Variants in LINGO2 observed in about 807,000 individuals in gnomAD.
LINGO2 encodes leucine-rich repeat and immunoglobulin-like domain-containing nogo receptor-interacting protein 2.
Under a neutral mutation model 30.6 loss-of-function variants are expected in LINGO2, and 14 were observed. The ratio of observed to expected loss-of-function variants is 0.46; its 90% CI spans 0.30 to 0.72. The LOEUF is 0.72. Ranked by LOEUF, LINGO2 falls within the 30% of genes least tolerant of loss-of-function variation. The probability of loss-of-function intolerance (pLI) is 0.07; values close to 1 mark genes in which losing one functional copy is unlikely to be tolerated. For synonymous variants in LINGO2, 317 were observed against 288.5 expected, an observed-to-expected ratio of 1.10 and a Z score of -1.00; for missense variants, 729 against 751.7, an observed-to-expected ratio of 0.97 and a Z score of 0.35.
the LINGO2 span, among the ~76,000 whole-genome samples, chr9:29,113,962 G>T: frequency 6.9e-6 from 1 of 145,306 alleles, no homozygotes; most frequent in Non-Finnish European, 1.5e-5. Context: ...AAAGCTTTAG[G>T]AAAAAAAAAA....
At chr9:28,987,346 T>C in the LINGO2 span, among the ~76,000 whole-genome samples, 1 of 152,064 alleles carries the variant, frequency 6.6e-6, no homozygotes, top group African/African-American at 2.4e-5. Context: ...TTATTCATAG[T>C]AGTCTCTTAA....
At chr9:28,413,387 C>A (rs750921162) in intron 2 of LINGO2, among the ~76,000 whole-genome samples, 13 of 152,176 alleles carry the variant, frequency 8.5e-5, no homozygotes, top group Non-Finnish European at 1.8e-4. Flanking sequence ...TGTATGCTAC[C>A]TGTTCCTCCT....
At chr9:28,352,029 C>T (rs1344610160) in intron 3 of LINGO2, among the ~76,000 whole-genome samples, 58 of 150,944 alleles carry the variant, frequency 3.8e-4, no homozygotes, top group Non-Finnish European at 5.2e-4. Flanking sequence ...CTATGACAAA[C>T]CCACAGCCAA....
chr9:28,117,860 T>C (rs1480210847), intron 4 of LINGO2, among the ~76,000 whole-genome samples: 1 of 152,054 alleles, frequency 6.6e-6, no homozygotes, highest in Non-Finnish European at 1.5e-5. Context: ...AATGCAGATA[T>C]CACCCCCAGA....
intron 4 of LINGO2, among the ~76,000 whole-genome samples, chr9:28,070,186 A>G (rs966738183): frequency 5.3e-5 from 8 of 152,180 alleles, no homozygotes; most frequent in African/African-American, 1.9e-4. Context: ...CAGCCATGTT[A>G]TAAGCACAAC....
chr9:28,431,762 G>A (rs1380974639), intron 2 of LINGO2, among the ~76,000 whole-genome samples: 1 of 152,160 alleles, frequency 6.6e-6, no homozygotes, highest in Non-Finnish European at 1.5e-5. Flanking sequence ...ATAATAAACA[G>A]AAGTTCAATT....
the LINGO2 span, among the ~76,000 whole-genome samples, chr9:28,978,331 T>G: frequency 6.6e-6 from 1 of 152,136 alleles, no homozygotes. Flanking sequence ...ATAGTGCTTT[T>G]GGGCTAGATT....
chr9:28,628,160 C>T (rs1826769748), intron 1 of LINGO2, among the ~76,000 whole-genome samples: 1 of 152,022 alleles, frequency 6.6e-6, no homozygotes. Flanking sequence ...ATCTCAAAAC[C>T]ATGCAGCAGA....
chr9:29,047,640 G>A, the LINGO2 span, among the ~76,000 whole-genome samples: 1 of 152,166 alleles, frequency 6.6e-6, no homozygotes, highest in South Asian at 2.1e-4. Context: ...GCAAGAGAAT[G>A]ATATAAAGGG....
At chr9:28,368,989 G>A (rs1820794464) in intron 3 of LINGO2, among the ~76,000 whole-genome samples, 1 of 152,156 alleles carries the variant, frequency 6.6e-6, no homozygotes. Context: ...TATATCTCAA[G>A]TCTTTGACAA....
At chr9:28,295,830 T>C (rs888910554) in intron 3 of LINGO2, among the ~76,000 whole-genome samples, 2 of 152,224 alleles carry the variant, frequency 1.3e-5, no homozygotes, top group Non-Finnish European at 2.9e-5. Context: ...TTGTGATTTC[T>C]GATGCTCCAG....
intron 4 of LINGO2, among the ~76,000 whole-genome samples, chr9:28,275,235 AT>A (rs1038215876): frequency 2.0e-5 from 3 of 151,700 alleles, no homozygotes; most frequent in African/African-American, 7.3e-5. Context: ...CGCTTGGCTA[AT>A]TTTTTGTATT....
At chr9:28,294,796 G>A (rs1180090501) in intron 4 of LINGO2, among the ~76,000 whole-genome samples, 5 of 152,176 alleles carry the variant, frequency 3.3e-5, no homozygotes, top group South Asian at 2.1e-4. Flanking sequence ...TAACCTTGAA[G>A]CACATTTATA....
chr9:28,356,305 G>A (rs910902081), intron 3 of LINGO2, among the ~76,000 whole-genome samples: 3 of 151,952 alleles, frequency 2.0e-5, no homozygotes, highest in African/African-American at 4.8e-5. Context: ...TTCTCCCTTT[G>A]TATTTTGAAA....
chr9:29,171,383 GTA>G, the LINGO2 span, among the ~76,000 whole-genome samples: 15 of 152,192 alleles, frequency 9.9e-5, no homozygotes, highest in East Asian at 2.9e-3. Context: ...TAGAACTTGA[GTA>G]TTTCCATACC....
At chr9:28,427,268 T>C (rs185855523) in intron 2 of LINGO2, among the ~76,000 whole-genome samples, 16 of 152,218 alleles carry the variant, frequency 1.1e-4, no homozygotes, top group Middle Eastern at 3.4e-3. Flanking sequence ...AGCACTGCTA[T>C]AGATGGATAA....
the LINGO2 span, among the ~76,000 whole-genome samples, chr9:28,780,173 A>G: frequency 6.6e-6 from 1 of 152,284 alleles, no homozygotes; most frequent in Non-Finnish European, 1.5e-5. Context: ...AGTGTGAGGC[A>G]TAACTTAAAA....
rs1491164807 is a variant in LINGO2, at chr9:28,561,781, A to ATATATAT, written c.-364-85757_-364-85756insATATATA. Among the ~76,000 whole-genome samples, 28 of 102,250 alleles carry ATATATAT rather than the reference A, an allele frequency of 2.7e-4. 1 individual carries two copies. The highest frequency in any genetic ancestry group is 8.2e-4 in the African/African-American group (13 of 15,824). 67.1% of individuals were successfully genotyped at this position (102,250 alleles called of 152,430 possible). On this transcript the variant is annotated intron_variant, in intron 1 of 5. Transcript: ENST00000379992. ...TATATATATATATATATATATATAT[A>ATATATAT]AAAAATATGCTACTAGAACTGAAAA... is the stretch of plus-strand genomic sequence containing the variant.
At chr9:28,880,429 T>A in the LINGO2 span, among the ~76,000 whole-genome samples, 1 of 152,184 alleles carries the variant, frequency 6.6e-6, no homozygotes, top group Admixed American at 6.5e-5. Flanking sequence ...AGGATGTGCC[T>A]TGTTAACAAA....
Sources: gnomAD v4.1 joint callset for allele counts (sites outside exome capture counted in the v4.1 genomes callset) on GRCh38, gnomAD v4.1.1 for gene constraint, MANE v1.5 for transcripts, NCBI Gene and HGNC (gene_info 2026-07-23, HGNC 2026-07-21) for gene names.